The following GNB1 variants were observed in gnomAD, a reference collection of about 807,000 sequenced individuals.
GNB1 encodes guanine nucleotide-binding protein G(I)/G(S)/G(T) subunit beta-1.
Under a neutral mutation model 42.9 loss-of-function variants are expected in GNB1, and 2 were observed. The ratio of observed to expected loss-of-function variants is 0.05; its 90% CI spans 0.02 to 0.15. The LOEUF is 0.15. GNB1 is among the 10% of genes least tolerant of loss of function. The pLI, the probability that GNB1 is intolerant of heterozygous loss-of-function variation, is 1.00. For synonymous variants in GNB1, 183 were observed against 174.7 expected (o/e 1.05, Z -0.38); for missense variants, 193 against 462.2 (o/e 0.42, Z 5.34).
chr1:1,787,695 A>C lies in GNB1; in HGVS notation c.917-258T>G, dbSNP rs1001724386. Among the ~76,000 whole-genome samples, 3 of 152,090 alleles carry C rather than the reference A, an allele frequency of 2.0e-5. No homozygotes were observed. Among genetic ancestry groups the C allele is most frequent in the African/African-American group, 4.8e-5 (2 of 41,416 alleles). On this transcript the variant is annotated intron_variant, in intron 10 of 11. Transcript: ENST00000378609. This position sits in a 1 kb window ranked among gnomAD's most constrained non-coding sequence, Gnocchi z 4.4. ...CCCTGGCATTGACTTCTCAGCACTC[A>C]CTTATAAAACTTAAAAAAAGAAGCA...
At chr1:1,861,607 G>A (rs1445922143) in intron 1 of GNB1, among the ~76,000 whole-genome samples, 1 of 151,826 alleles carries the variant, frequency 6.6e-6, no homozygotes, top group Non-Finnish European at 1.5e-5. Context: ...GGGGTTGGTG[G>A]TGGGGGAGAA....
At chr1:1,832,267 A>C (rs1647087124) in intron 2 of GNB1, 1 of 152,104 alleles carries the variant, frequency 6.6e-6, no homozygotes, top group Non-Finnish European at 1.5e-5. Context: ...CGCTTCCCTC[A>C]GTCCCCCAGA....
At position 1,814,839 on chromosome 1, in the gene GNB1, G is replaced by A. The variant is rs532249198; in HGVS notation, c.203+917C>T. The stretch of plus-strand genomic sequence containing the variant: ...AAAAAAAGAAAAAAAGAGGCTGGGC[G>A]TAGTGGCTCACGCCTGTAATCCCAT... On this transcript the variant is annotated intron_variant, in intron 5 of 11. Transcript: ENST00000378609. 8.7e-5 allele frequency among the ~76,000 whole-genome samples: 13 copies of A among 150,262 alleles called. No homozygotes were observed. In the East Asian group the frequency reaches 1.2e-3, roughly 13 times the overall value.
At chr1:1,857,273 G>A (rs79600972) in intron 1 of GNB1, among the ~76,000 whole-genome samples, 234 of 152,176 alleles carry the variant, frequency 1.5e-3, no homozygotes, top group Non-Finnish European at 2.5e-3. Flanking sequence ...AGTGGAAAGA[G>A]GAACCAAGAA....
chr1:1,864,866 C>T (rs1231591634), intron 1 of GNB1, among the ~76,000 whole-genome samples: 3 of 152,174 alleles, frequency 2.0e-5, no homozygotes, highest in Non-Finnish European at 4.4e-5. Flanking sequence ...GTTTCATCAG[C>T]TACAATTAGC....
intron 1 of GNB1, among the ~76,000 whole-genome samples, chr1:1,885,123 A>T (rs1650075532): frequency 6.6e-6 from 1 of 152,062 alleles, no homozygotes; most frequent in Non-Finnish European, 1.5e-5. Context: ...GAATAAACTT[A>T]AAAATTAAGC....
intron 2 of GNB1, among the ~76,000 whole-genome samples, chr1:1,831,948 G>A (rs1404924174): frequency 6.6e-6 from 1 of 151,108 alleles, no homozygotes; most frequent in Non-Finnish European, 1.5e-5. Flanking sequence ...TGTAGTCCCA[G>A]CTACTTGGGA....
chr1:1,822,818 T>C (rs1646949892), intron 3 of GNB1, among the ~76,000 whole-genome samples: 1 of 152,156 alleles, frequency 6.6e-6, no homozygotes, highest in Admixed American at 6.6e-5. Flanking sequence ...CCATACAAGC[T>C]CTTTCCATCT....
At position 1,838,207 on chromosome 1, in the gene GNB1, G is replaced by GA. The variant is rs916038037; in HGVS notation, c.-47+982dup. ...AACAGAGCAAGACTCTGTCTCAAAAGAAAAAAAAGAATATCCAATTGTTCC... is the reference window on the plus strand; with the variant it reads ...AACAGAGCAAGACTCTGTCTCAAAAGAAAAAAAAAGAATATCCAATTGTTCC... On this transcript the variant is annotated intron_variant, in intron 2 of 11. Transcript: ENST00000378609. 3.3e-5 allele frequency among the ~76,000 whole-genome samples: 5 copies of GA among 151,104 alleles called. No individual in the cohort carries two copies. The East Asian group carries it at 5.9e-4, about 18-fold the overall frequency.
At position 1,842,585 on chromosome 1, in the gene GNB1, A is replaced by G. The variant is rs551734071; in HGVS notation, c.-95-3347T>C. Among the ~76,000 whole-genome samples the G allele has an allele frequency of 3.9e-5, 6 of 152,320 alleles. No individual in the cohort carries two copies. In the East Asian group the frequency reaches 1.2e-3, roughly 29 times the overall value. On this transcript the variant is annotated intron_variant, in intron 1 of 11. Coordinates refer to ENST00000378609, the MANE Select transcript of GNB1 (RefSeq NM_002074.5). ...ATCCGGAACACACAAATCCAAAGAGACAGAATGCAGTGGTTGCCAGGGGCT... is the reference window on the plus strand; with the variant it reads ...ATCCGGAACACACAAATCCAAAGAGGCAGAATGCAGTGGTTGCCAGGGGCT...
intron 1 of GNB1, among the ~76,000 whole-genome samples, chr1:1,865,241 G>A (rs1173239467): frequency 1.5e-5 from 2 of 135,228 alleles, no homozygotes; most frequent in African/African-American, 2.8e-5. Flanking sequence ...CAGCCTGGGT[G>A]ACAGAGTGAG....
chr1:1,867,535 G>C (rs1446927669), intron 1 of GNB1, among the ~76,000 whole-genome samples: 3 of 151,856 alleles, frequency 2.0e-5, no homozygotes, highest in Admixed American at 1.3e-4. Context: ...TTAAATATTT[G>C]GCTTTTATAA....
chr1:1,883,695 C>T (rs1435207758), intron 1 of GNB1, among the ~76,000 whole-genome samples: 4 of 152,156 alleles, frequency 2.6e-5, no homozygotes, highest in African/African-American at 9.7e-5. Context: ...AAGGCAGGCT[C>T]AGGGAGGACA....
chr1:1,866,517 TTGA>T (rs1321835541), intron 1 of GNB1, among the ~76,000 whole-genome samples: 2 of 152,154 alleles, frequency 1.3e-5, no homozygotes, highest in African/African-American at 2.4e-5. Flanking sequence ...AACCAATCTA[TTGA>T]TGGACATTTA....
intron 2 of GNB1, among the ~76,000 whole-genome samples, chr1:1,827,474 G>A (rs1306951038): frequency 1.3e-5 from 2 of 152,324 alleles, no homozygotes; most frequent in East Asian, 3.9e-4. Context: ...TGCACACATG[G>A]AGCATCACCG....
At chr1:1,829,983 G>A (rs1647053667) in intron 2 of GNB1, among the ~76,000 whole-genome samples, 1 of 151,924 alleles carries the variant, frequency 6.6e-6, no homozygotes, top group Admixed American at 6.6e-5. Context: ...CAGGTGATCC[G>A]CCCACCTCGG....
intron 3 of GNB1, among the ~76,000 whole-genome samples, chr1:1,823,224 A>G (rs1255028482): frequency 7.4e-6 from 1 of 135,986 alleles, no homozygotes; most frequent in East Asian, 2.6e-4. Flanking sequence ...CCTGGGGAAC[A>G]GGGCGAGACT....
chr1:1,807,295 C>T (rs1436614295), intron 5 of GNB1, among the ~76,000 whole-genome samples: 6 of 151,284 alleles, frequency 4.0e-5, no homozygotes, highest in Admixed American at 3.3e-4. Flanking sequence ...ATCCCGTCTC[C>T]ACTACAAAAA....
chr1:1,792,696 C>A (rs1455960191), intron 8 of GNB1, among the ~76,000 whole-genome samples: 955 of 101,968 alleles, frequency 9.4e-3, no homozygotes, highest in Admixed American at 0.011. Flanking sequence ...GACTCTATCT[C>A]AAAAAAAAAA....
Sources: gnomAD v4.1 joint callset for allele counts (sites outside exome capture counted in the v4.1 genomes callset) on GRCh38, gnomAD v4.1.1 for gene constraint, Gnocchi (gnomAD v3.1) non-coding constraint, MANE v1.5 for transcripts, NCBI Gene and HGNC (gene_info 2026-07-23, HGNC 2026-07-21) for gene names.